The following TRIM37 variants were observed in gnomAD, a reference collection of about 807,000 sequenced individuals.
The protein encoded by TRIM37 is E3 ubiquitin-protein ligase TRIM37.
A neutral mutation model predicts 129.8 loss-of-function variants in TRIM37; 80 were observed. The observed-to-expected ratio is 0.62, with a 90% CI of 0.51 to 0.74. TRIM37 has a LOEUF of 0.74. Ranked by LOEUF, TRIM37 falls within the 30% of genes least tolerant of loss-of-function variation. The pLI is 0.00. For missense variants in TRIM37, 1,054 were observed against 1,176.5 expected (o/e 0.90, Z 1.52); for synonymous variants, 389 against 387.1 (o/e 1.00, Z -0.06).
chr17:59,001,757 T>TA (rs1191403004), intron 22 of TRIM37, 43 bp from the exon 23 acceptor site: 1 of 1,610,544 alleles, frequency 6.2e-7, no homozygotes, highest in East Asian at 2.2e-5. Context: ...AAGAAACCAC[T>TA]GTAAGTAAAA....
chr17:59,104,244 C>A, intron 2 of TRIM37, 49 bp downstream of exon 2: 1 of 1,516,850 alleles, frequency 6.6e-7, no homozygotes, highest in South Asian at 1.1e-5. Context: ...TTAATCCTTA[C>A]AATATATACT....
At chr17:59,062,912 G>A (rs186596189) in intron 10 of TRIM37, among the ~76,000 whole-genome samples, 8 of 152,184 alleles carry the variant, frequency 5.3e-5, no homozygotes, top group Admixed American at 2.0e-4. Context: ...GACATTTAAG[G>A]GAAAAGGAAT....
intron 4 of TRIM37, among the ~76,000 whole-genome samples, chr17:59,086,439 A>G (rs1384772511): frequency 6.6e-6 from 1 of 152,026 alleles, no homozygotes; most frequent in Admixed American, 6.6e-5. Context: ...GGGTTTCACC[A>G]TGTTGGCCAG....
chr17:59,075,563 C>CAAAAAA (rs34467573), intron 8 of TRIM37, 84 bp downstream of exon 8: 127 of 491,166 alleles, frequency 2.6e-4, no homozygotes, highest in Middle Eastern at 6.8e-4. Context: ...GACTCCATCT[C>CAAAAAA]AAAAAAAAAA....
chr17:58,974,197 A>G, the TRIM37 span, among the ~76,000 whole-genome samples: 1 of 152,174 alleles, frequency 6.6e-6, no homozygotes, highest in Non-Finnish European at 1.5e-5. Flanking sequence ...TATTTTTCAG[A>G]GAATGGAAGC....
intron 22 of TRIM37, among the ~76,000 whole-genome samples, chr17:59,006,375 C>T (rs1387837686): frequency 6.6e-6 from 1 of 152,188 alleles, no homozygotes; most frequent in Non-Finnish European, 1.5e-5. Context: ...TGTATGTGCT[C>T]AGTAAAGCTA....
rs147346885 is a variant in TRIM37 at position 59,038,305 on chromosome 17, T to C, written c.1753+3508A>G. Among the ~76,000 whole-genome samples, 118 of 152,314 alleles carry C rather than the reference T, an allele frequency of 7.7e-4. 1 individual carries two copies. The highest frequency in any genetic ancestry group is 3.3e-3 in the Admixed American group (50 of 15,298). On this transcript the variant is annotated intron_variant, in intron 17 of 23. Transcript: ENST00000262294. ...TGTACATTGTCATATTCTAGCTAAT[T>C]GTTCATAAATATACTCACCCTTAGG...
chr17:58,977,988 C>T (rs1262994878), downstream of TRIM37, among the ~76,000 whole-genome samples: 1 of 152,188 alleles, frequency 6.6e-6, no homozygotes, highest in Admixed American at 6.5e-5. Context: ...AGTATCCTCC[C>T]GCCTTGGCCT....
At chr17:59,104,215 A>G in intron 2 of TRIM37, 78 bp downstream of exon 2, 1 of 1,411,484 alleles carries the variant, frequency 7.1e-7, no homozygotes, top group Non-Finnish European at 9.9e-7. Context: ...AATGTAAAAT[A>G]AAAAGATAAG....
chr17:59,068,129 A>G (rs2042066126), intron 9 of TRIM37, among the ~76,000 whole-genome samples: 1 of 152,206 alleles, frequency 6.6e-6, no homozygotes, highest in Admixed American at 6.5e-5. Flanking sequence ...TTAAAAGCCA[A>G]AGTTTCCAAT....
chr17:59,017,024 G>A (rs1391295215), intron 20 of TRIM37, among the ~76,000 whole-genome samples: 2 of 151,792 alleles, frequency 1.3e-5, no homozygotes, highest in Admixed American at 1.3e-4. Context: ...AATTAGCTAG[G>A]CGTAGTGGTG....
intron 22 of TRIM37, among the ~76,000 whole-genome samples, chr17:59,006,254 G>A (rs1345196461): frequency 6.6e-6 from 1 of 152,116 alleles, no homozygotes; most frequent in South Asian, 2.1e-4. Flanking sequence ...GTCAATGATA[G>A]CAATTACAAG....
At chr17:58,977,458 A>C in the TRIM37 span, among the ~76,000 whole-genome samples, 1 of 151,514 alleles carries the variant, frequency 6.6e-6, no homozygotes, top group South Asian at 2.1e-4. Flanking sequence ...AAAAAAAAAG[A>C]AATAATGAAT....
chr17:59,015,863 C>T, intron 20 of TRIM37, 64 bp from the exon 21 acceptor site: 1 of 1,529,460 alleles, frequency 6.5e-7, no homozygotes, highest in Non-Finnish European at 9.0e-7. Context: ...CCTGTAATCC[C>T]AGCTACTTGG....
chr17:59,012,227 G>GCAGCAGCAC (rs72443487), intron 22 of TRIM37, 101 bp downstream of exon 22: 121 of 611,952 alleles, frequency 2.0e-4, no homozygotes, highest in South Asian at 5.4e-4. Flanking sequence ...AGCAGCAGCA[G>GCAGCAGCAC]CACCACCACC....
In TRIM37 at chr17:59,019,129, G is replaced by T. The variant is rs1026285548; in HGVS notation, c.2258-1705C>A. Among the ~76,000 whole-genome samples the T allele has an allele frequency of 2.6e-5, 4 of 152,310 alleles. No individual in the cohort carries two copies. The East Asian group carries it at 7.7e-4, about 29-fold the overall frequency. ...TCAAAAAGTTAAACACAGTTGCCAT[G>T]TAACCCATTAATTCCACTTCTAAGC... On this transcript the variant is annotated intron_variant, in intron 19 of 23. Transcript: ENST00000262294.
intron 24 of TRIM37, among the ~76,000 whole-genome samples, chr17:58,992,369 A>C (rs1325720483): frequency 2.7e-5 from 4 of 148,930 alleles, no homozygotes; most frequent in Non-Finnish European, 4.4e-5. Context: ...CAACCAGGGA[A>C]ACTCACTCAA....
chr17:58,985,541 T>C (rs1471180052), intron 24 of TRIM37, among the ~76,000 whole-genome samples: 1 of 152,178 alleles, frequency 6.6e-6, no homozygotes, highest in African/African-American at 2.4e-5. Flanking sequence ...CTTAGCCTCT[T>C]TGAGTTTCAA....
At chr17:59,064,104 G>C (rs2041731739) in intron 10 of TRIM37, 2 of 421,534 alleles carry the variant, frequency 4.7e-6, no homozygotes, top group East Asian at 8.9e-5. Context: ...CTCCAGCCTG[G>C]GTGACAGAGC....
Sources: allele counts gnomAD v4.1 joint callset (sites outside exome capture counted in the v4.1 genomes callset), GRCh38; gene constraint gnomAD v4.1.1; transcripts MANE v1.5; gene names NCBI Gene and HGNC (gene_info 2026-07-23, HGNC 2026-07-21).